Variants in GRM1 observed in about 807,000 individuals in gnomAD.
GRM1 encodes glutamate metabotropic receptor 1.
A neutral mutation model predicts 90.9 loss-of-function variants in GRM1; 33 were observed. That is an observed-to-expected ratio of 0.36 (90% confidence interval 0.28 to 0.49). The LOEUF is 0.49. GRM1 is among the 20% of genes least tolerant of loss of function. The pLI, the probability that GRM1 is intolerant of heterozygous loss-of-function variation, is 0.99. For missense variants in GRM1, 1,190 were observed against 1,534.3 expected (o/e 0.78, Z 3.75); for synonymous variants, 700 against 613.2 (o/e 1.14, Z -2.09).
At chr6:146,302,583 G>T (rs1279911054) in intron 2 of GRM1, among the ~76,000 whole-genome samples, 1 of 151,482 alleles carries the variant, frequency 6.6e-6, no homozygotes, top group Non-Finnish European at 1.5e-5. Flanking sequence ...TAGAGATGGG[G>T]TTTTTCCATG....
At chr6:146,071,876 G>C (rs1189642173) in intron 1 of GRM1, among the ~76,000 whole-genome samples, 1 of 152,074 alleles carries the variant, frequency 6.6e-6, no homozygotes, top group African/African-American at 2.4e-5. Flanking sequence ...ACTGAAGTTA[G>C]TATGACCTTG....
chr6:146,248,679 G>A (rs1274296340), intron 2 of GRM1, among the ~76,000 whole-genome samples: 1 of 152,158 alleles, frequency 6.6e-6, no homozygotes, highest in Non-Finnish European at 1.5e-5. Flanking sequence ...ATTGGTACAA[G>A]GAGTGAGGTA....
At chr6:146,308,527 G>T (rs1350987052) in intron 3 of GRM1, among the ~76,000 whole-genome samples, 3 of 152,088 alleles carry the variant, frequency 2.0e-5, no homozygotes. Flanking sequence ...CCCAGGATGT[G>T]GAAACTAGAA....
At chr6:146,127,857 T>A (rs374580481) in intron 1 of GRM1, among the ~76,000 whole-genome samples, 1 of 152,208 alleles carries the variant, frequency 6.6e-6, no homozygotes, top group East Asian at 1.9e-4. Flanking sequence ...ATTTTTGTCA[T>A]GATTGTGTAA....
intron 1 of GRM1, among the ~76,000 whole-genome samples, chr6:146,134,289 A>C (rs1486085366): frequency 1.3e-5 from 2 of 152,150 alleles, no homozygotes; most frequent in African/African-American, 4.8e-5. Context: ...TGGGTTTCTG[A>C]AGACAAGGAG....
intron 5 of GRM1, among the ~76,000 whole-genome samples, chr6:146,382,656 G>T (rs969801383): frequency 6.6e-6 from 1 of 152,010 alleles, no homozygotes; most frequent in African/African-American, 2.4e-5. Context: ...ACAAAGTCAG[G>T]TACAGAAACA....
At chr6:146,330,855 G>C (rs1440768515) in intron 3 of GRM1, among the ~76,000 whole-genome samples, 1 of 152,050 alleles carries the variant, frequency 6.6e-6, no homozygotes, top group Non-Finnish European at 1.5e-5. Flanking sequence ...CATGCTATGG[G>C]CTGAAAAAAA....
intron 2 of GRM1, among the ~76,000 whole-genome samples, chr6:146,241,584 G>T (rs1173508700): frequency 6.6e-6 from 1 of 152,008 alleles, no homozygotes; most frequent in African/African-American, 2.4e-5. Context: ...CTCTTCCCTG[G>T]CAATTCCCTC....
At chr6:146,242,415 A>G (rs1780898247) in intron 2 of GRM1, among the ~76,000 whole-genome samples, 1 of 152,148 alleles carries the variant, frequency 6.6e-6, no homozygotes. Flanking sequence ...GATTTTCGAG[A>G]ACCAGAAACA....
chr6:146,304,523 T>C, intron 2 of GRM1, 88 bp from the exon 3 acceptor site: 1 of 934,448 alleles, frequency 1.1e-6, no homozygotes, highest in Non-Finnish European at 1.7e-6. Context: ...TAGCCTTTTC[T>C]GGATTGCTTC....
chr6:146,164,974 C>T (rs1176481938), intron 2 of GRM1, among the ~76,000 whole-genome samples: 1 of 151,598 alleles, frequency 6.6e-6, no homozygotes, highest in Non-Finnish European at 1.5e-5. Context: ...TTGTCCCTTA[C>T]TACTGTGTGC....
At position 146,108,001 on chromosome 6, in the gene GRM1, G is replaced by A. The variant is rs574109934; in HGVS notation, c.701-51347G>A. Among the ~76,000 whole-genome samples, 3 of 152,280 alleles carry A rather than the reference G, an allele frequency of 2.0e-5. No individual in the cohort carries two copies. In the East Asian group the frequency reaches 5.8e-4, roughly 29 times the overall value. On this transcript the variant is annotated intron_variant, in intron 1 of 7. Coordinates refer to ENST00000282753, the MANE Select transcript of GRM1 (RefSeq NM_001278064.2). ...GCTGAAGATGTCTTTGGCTTTCAGA[G>A]AGATTTACATTTTTCAGAGTGCTTT...
intron 2 of GRM1, among the ~76,000 whole-genome samples, chr6:146,196,469 T>TA (rs1462802912): frequency 6.8e-6 from 1 of 146,184 alleles, no homozygotes; most frequent in African/African-American, 2.5e-5. Flanking sequence ...TTGTATTTTT[T>TA]TTTTTTTTTT....
intron 1 of GRM1, among the ~76,000 whole-genome samples, chr6:146,041,273 T>C (rs1161106687): frequency 6.6e-6 from 1 of 152,036 alleles, no homozygotes; most frequent in Non-Finnish European, 1.5e-5. Flanking sequence ...GCTTTACCCA[T>C]TTGGGAAGGT....
intron 2 of GRM1, among the ~76,000 whole-genome samples, chr6:146,168,791 G>T (rs763154248): frequency 3.3e-5 from 5 of 151,984 alleles, no homozygotes; most frequent in African/African-American, 1.2e-4. Flanking sequence ...ACTTTGACTT[G>T]CATGGTTTCT....
chr6:146,221,984 C>T (rs1461702068), intron 2 of GRM1, among the ~76,000 whole-genome samples: 2 of 152,096 alleles, frequency 1.3e-5, no homozygotes, highest in South Asian at 2.1e-4. Flanking sequence ...CAAAAGTAGG[C>T]TCTGAGTCAG....
At chr6:146,355,717 T>C (rs1471350157) in intron 4 of GRM1, among the ~76,000 whole-genome samples, 1 of 152,182 alleles carries the variant, frequency 6.6e-6, no homozygotes, top group African/African-American at 2.4e-5. Context: ...AGATTTCAGA[T>C]GCCAACTTAG....
At chr6:146,143,772 G>A (rs1412213591) in intron 1 of GRM1, among the ~76,000 whole-genome samples, 1 of 152,168 alleles carries the variant, frequency 6.6e-6, no homozygotes, top group African/African-American at 2.4e-5. Flanking sequence ...TATGAAAAAT[G>A]TTTTGACATG....
intron 4 of GRM1, among the ~76,000 whole-genome samples, chr6:146,356,362 G>A (rs909349103): frequency 6.6e-6 from 1 of 152,174 alleles, no homozygotes; most frequent in Admixed American, 6.5e-5. Flanking sequence ...GGTGTCTAGG[G>A]AGGACCTGCT....
Sources: allele counts gnomAD v4.1 joint callset (sites outside exome capture counted in the v4.1 genomes callset), GRCh38; gene constraint gnomAD v4.1.1; transcripts MANE v1.5; gene names NCBI Gene and HGNC (gene_info 2026-07-23, HGNC 2026-07-21).